CCDC88A: variants seen among roughly 807,000 people sequenced by gnomAD.
CCDC88A encodes the protein girdin.
A neutral mutation model predicts 234.3 loss-of-function variants in CCDC88A; 54 were observed. That is an observed-to-expected ratio of 0.23 (90% CI 0.19 to 0.29). The LOEUF is 0.29. CCDC88A is among the 10% of genes least tolerant of loss of function. The pLI is 1.00. For synonymous variants in CCDC88A, 753 were observed against 737.8 expected, an observed-to-expected ratio of 1.02 and a Z score of -0.33; for missense variants, 1,832 against 2,123.4, an observed-to-expected ratio of 0.86 and a Z score of 2.70.
Position 55,355,643 on chromosome 2 carries a change from G to A in CCDC88A, c.736C>T (p.Arg246Ter). 6.2e-7 allele frequency: 1 copy of A among 1,614,028 alleles called. No individual in the cohort carries two copies. The highest frequency in any genetic ancestry group is 8.5e-7 in the Non-Finnish European group (1 of 1,179,958). Residue 246 changes from arginine (R) to a stop codon, truncating the protein, a stop_gained, in exon 8 of 33, where the codon CGA (arginine) becomes TGA (stop). Transcript: ENST00000436346. LOFTEE classifies it high-confidence loss of function. ...GCCAGTTCCACCGACAGATGTTGTCGACTTTCTGTTCGCTTCATGCCTGGA... is the reference window on the plus strand; with the variant it reads ...GCCAGTTCCACCGACAGATGTTGTCAACTTTCTGTTCGCTTCATGCCTGGA... ...GSPGMKRTES[R>*]QHLSVELADA...
intron 2 of CCDC88A, among the ~76,000 whole-genome samples, chr2:55,401,010 G>T (rs1678520258): frequency 6.6e-6 from 1 of 151,940 alleles, no homozygotes; most frequent in African/African-American, 2.4e-5. Flanking sequence ...TAATTAACTG[G>T]GTAAACAGCA....
chr2:55,291,563 T>C (rs1163275173), intron 32 of CCDC88A, 113 bp downstream of exon 32: 1 of 456,984 alleles, frequency 2.2e-6, no homozygotes, highest in African/African-American at 2.0e-5. Context: ...AGTCAATGAA[T>C]TAAGCAAGCA....
chr2:55,357,953 C>A (rs537498942), intron 7 of CCDC88A, among the ~76,000 whole-genome samples: 1 of 152,050 alleles, frequency 6.6e-6, no homozygotes, highest in Admixed American at 6.6e-5. Context: ...TATTGTAGCA[C>A]GCCTCCTTTA....
At chr2:55,310,250 G>A (rs1396774437) in intron 23 of CCDC88A, among the ~76,000 whole-genome samples, 1 of 152,102 alleles carries the variant, frequency 6.6e-6, no homozygotes, top group Non-Finnish European at 1.5e-5. Context: ...TTGGTTTAAG[G>A]TACTTTAACC....
At chr2:55,369,322 C>A (rs1002390235) in intron 5 of CCDC88A, among the ~76,000 whole-genome samples, 1 of 152,114 alleles carries the variant, frequency 6.6e-6, no homozygotes. Flanking sequence ...TGTGAGCCAC[C>A]ATGTCTGGCC....
Position 55,346,505 on chromosome 2 carries a change from C to T in CCDC88A, c.883-172G>A, listed in dbSNP as rs181378443. 3.0e-3 allele frequency among the ~76,000 whole-genome samples: 450 copies of T among 152,114 alleles called. 3 individuals are homozygous for T. The highest frequency in any genetic ancestry group is 9.1e-3 in the African/African-American group (376 of 41,486). ...TGCAATCTCAGCTCACTGCAACCTC[C>T]GCCTCCCAGGTTCAAGCACTTCTCC... On this transcript the variant is annotated intron_variant, in intron 9 of 32. Coordinates refer to ENST00000436346, the MANE Select transcript of CCDC88A (RefSeq NM_001365480.1).
At chr2:55,363,827 G>T (rs954275148) in intron 6 of CCDC88A, 123 bp downstream of exon 6, 14 of 537,148 alleles carry the variant, frequency 2.6e-5, no homozygotes, top group African/African-American at 1.8e-4. Flanking sequence ...TAAAAGCAGG[G>T]TCCATCTATA....
rs1679370639 is a variant in CCDC88A, at chr2:55,290,460, A to G, written c.*740T>C. 1 of 152,098 alleles carries G rather than the reference A, an allele frequency of 6.6e-6. No homozygotes were observed. The highest frequency in any genetic ancestry group is 1.5e-5 in the Non-Finnish European group (1 of 67,940). 9.4% of individuals were successfully genotyped at this position (152,098 alleles called of 1,614,324 possible). ...CCATCTTACTAAAAAAAAGTTTCAG[A>G]AAAACACTCTTTACCATGGGTTAAC... On this transcript the variant is annotated 3_prime_UTR_variant, in exon 33 of 33. Transcript: ENST00000436346.
chr2:55,340,865 T>C (rs1009429783), intron 12 of CCDC88A, among the ~76,000 whole-genome samples: 3 of 152,188 alleles, frequency 2.0e-5, no homozygotes, highest in African/African-American at 7.2e-5. Context: ...CTGTATTAGG[T>C]GTTTTTAAAT....
chr2:55,370,508 G>C (rs1198012717), intron 5 of CCDC88A, among the ~76,000 whole-genome samples: 4 of 151,778 alleles, frequency 2.6e-5, no homozygotes, highest in Non-Finnish European at 5.9e-5. Context: ...AGGTGTGGTA[G>C]CACACATCTA....
chr2:55,392,225 T>G (rs985168356), intron 2 of CCDC88A, among the ~76,000 whole-genome samples: 39 of 152,302 alleles, frequency 2.6e-4, no homozygotes, highest in African/African-American at 9.1e-4. Context: ...AGCACCACCT[T>G]AACAACTACA....
At chr2:55,355,450 CCTT>C (rs1159113054) in intron 8 of CCDC88A, 126 bp downstream of exon 8, 12 of 705,244 alleles carry the variant, frequency 1.7e-5, no homozygotes, top group Non-Finnish European at 2.3e-5. Context: ...ATGCCAACCT[CCTT>C]ATTTTTCTCA....
intron 12 of CCDC88A, among the ~76,000 whole-genome samples, chr2:55,341,086 T>A (rs1472023262): frequency 1.3e-5 from 2 of 151,950 alleles, no homozygotes; most frequent in Non-Finnish European, 2.9e-5. Context: ...TTAGTTCACT[T>A]AACATAATGC....
intron 5 of CCDC88A, among the ~76,000 whole-genome samples, chr2:55,370,945 A>G (rs1672758955): frequency 1.3e-5 from 2 of 152,022 alleles, no homozygotes. Context: ...CCTGGAGGTC[A>G]AGGCTGCAGT....
At chr2:55,391,725 TGGAGAAGAGG>T (rs1011334670) in intron 2 of CCDC88A, among the ~76,000 whole-genome samples, 32 of 152,178 alleles carry the variant, frequency 2.1e-4, no homozygotes, top group African/African-American at 7.7e-4. Context: ...CAAAGAAGCA[TGGAGAAGAGG>T]GGAGAAAAAG....
In CCDC88A at chr2:55,302,012, T is replaced by C; in HGVS notation, c.4532A>G (p.Asn1511Ser). The change falls in exon 27 of 33, where the codon AAT (asparagine) becomes AGT (serine). Residue 1511 changes from asparagine to serine, a missense_variant. Physicochemically the swap from Asn to Ser is conservative, Grantham distance 46. Transcript: ENST00000436346. ...LAGQWTGSTENLEVPDDISTG... is the reference protein window; with the variant it reads ...LAGQWTGSTESLEVPDDISTG... ...TGAAATATCATCAGGAACCTCCAAA[T>C]TCTCAGTACTACCTGTCCACTGTCC... The C allele has an allele frequency of 6.2e-7, 1 of 1,614,148 alleles. No individual in the cohort carries two copies. The highest frequency in any genetic ancestry group is 1.7e-5 in the Admixed American group (1 of 60,022).
chr2:55,412,537 T>C (rs1218425029), intron 2 of CCDC88A, among the ~76,000 whole-genome samples: 3 of 152,148 alleles, frequency 2.0e-5, no homozygotes, highest in Admixed American at 2.0e-4. Flanking sequence ...GAACTGTAGA[T>C]GCGAGGGATC....
chr2:55,332,218 A>C lies in CCDC88A; in HGVS notation c.2855+348T>G, dbSNP rs151196758. The C allele has an allele frequency of 2.6e-4, 41 of 155,404 alleles. No individual in the cohort carries two copies. In the East Asian group the frequency reaches 7.6e-3, roughly 29 times the overall value. 9.6% of individuals were successfully genotyped at this position (155,404 alleles called of 1,614,324 possible). On this transcript the variant is annotated intron_variant, in intron 16 of 32. Coordinates refer to ENST00000436346, the MANE Select transcript of CCDC88A (RefSeq NM_001365480.1). This position sits in a 1 kb window ranked among gnomAD's most constrained non-coding sequence, Gnocchi z 4.5. ...ACCGCAACCTCAGCCTCCCAAGTTCAAGCAATTCTCCTGCCTCAGCGTCCT... is the reference window on the plus strand; with the variant it reads ...ACCGCAACCTCAGCCTCCCAAGTTCCAGCAATTCTCCTGCCTCAGCGTCCT...
intron 3 of CCDC88A, among the ~76,000 whole-genome samples, chr2:55,385,852 C>CAAA (rs56233901): frequency 2.7e-4 from 17 of 62,476 alleles, no homozygotes; most frequent in South Asian, 6.0e-4. Context: ...AACTCCATGT[C>CAAA]AAAAAAAAAA....
Sources: gnomAD v4.1 joint callset for allele counts (sites outside exome capture counted in the v4.1 genomes callset) on GRCh38, gnomAD v4.1.1 for gene constraint, Gnocchi (gnomAD v3.1) non-coding constraint, MANE v1.5 for transcripts, NCBI Gene and HGNC (gene_info 2026-07-23, HGNC 2026-07-21) for gene names.